Variants in ZFAND3 observed in about 807,000 individuals in gnomAD.
ZFAND3 encodes the protein AN1-type zinc finger protein 3.
A neutral mutation model predicts 29.6 loss-of-function variants in ZFAND3; 10 were observed. The ratio of observed to expected loss-of-function variants is 0.34; its 90% CI spans 0.21 to 0.57. The LOEUF (loss-of-function observed/expected upper bound fraction) is 0.57, where lower values mean the gene tolerates loss of function less well. Among genes scored for constraint, ZFAND3 ranks in the 20% least tolerant of loss-of-function variants. ZFAND3 has a pLI of 0.86. For synonymous variants in ZFAND3, 128 were observed against 112.6 expected (o/e 1.14, Z -0.87); for missense variants, 230 against 304.5 (o/e 0.76, Z 1.82).
chr6:37,999,031 C>T (rs1390708497), intron 2 of ZFAND3, among the ~76,000 whole-genome samples: 1 of 152,092 alleles, frequency 6.6e-6, no homozygotes, highest in Non-Finnish European at 1.5e-5. Flanking sequence ...GCAACCAGGG[C>T]TCTTGGAGAA....
intron 4 of ZFAND3, among the ~76,000 whole-genome samples, chr6:38,104,052 A>C (rs1765160870): frequency 6.6e-6 from 1 of 152,188 alleles, no homozygotes; most frequent in Non-Finnish European, 1.5e-5. Flanking sequence ...TGATATGGAG[A>C]AGCTAAAACA....
At chr6:37,965,285 ATTTTTT>A (rs529308449) in intron 2 of ZFAND3, among the ~76,000 whole-genome samples, 1 of 152,082 alleles carries the variant, frequency 6.6e-6, no homozygotes. Context: ...TTACTGGTCT[ATTTTTT>A]TAGACCAGTA....
At position 38,068,798 on chromosome 6, in the gene ZFAND3, G is replaced by C. The variant is rs12661073; in HGVS notation, c.295+7023G>C. On this transcript the variant is annotated intron_variant, in intron 3 of 5. Coordinates refer to ENST00000287218, the MANE Select transcript of ZFAND3 (RefSeq NM_021943.3). ...TTAATGACTAAAGCTTCGTTTCCAG[G>C]TGCTGACTGGATTTTCCTTTAATAT... Among the ~76,000 whole-genome samples, 2,595 of 152,234 alleles carry C rather than the reference G, an allele frequency of 0.017. 255 individuals are homozygous for C. The East Asian group carries it at 0.28, about 16-fold the overall frequency.
At chr6:37,893,657 G>A (rs1448815521) in intron 1 of ZFAND3, among the ~76,000 whole-genome samples, 1 of 152,016 alleles carries the variant, frequency 6.6e-6, no homozygotes, top group African/African-American at 2.4e-5. Flanking sequence ...AGGTGCTAGC[G>A]ATTCTCCTGC....
intron 2 of ZFAND3, among the ~76,000 whole-genome samples, chr6:37,942,037 C>T (rs747270940): frequency 6.6e-6 from 1 of 152,108 alleles, no homozygotes; most frequent in East Asian, 1.9e-4. Context: ...TTGTACATTT[C>T]GATGCCGTTT....
intron 3 of ZFAND3, among the ~76,000 whole-genome samples, chr6:38,073,989 C>CA (rs1430079431): frequency 6.6e-6 from 1 of 152,132 alleles, no homozygotes; most frequent in Non-Finnish European, 1.5e-5. Context: ...CTGTTATTTA[C>CA]ACTTAGTACA....
intron 2 of ZFAND3, among the ~76,000 whole-genome samples, chr6:38,011,092 C>G (rs907079546): frequency 1.1e-4 from 16 of 151,996 alleles, no homozygotes; most frequent in South Asian, 2.1e-4. Flanking sequence ...ACAGTTGTGT[C>G]TGGCTTGTTT....
intron 2 of ZFAND3, among the ~76,000 whole-genome samples, chr6:37,931,542 C>T (rs1041365507): frequency 9.8e-5 from 8 of 81,956 alleles, no homozygotes. Flanking sequence ...GACTCCGTCT[C>T]AAAAAAAAAA....
At chr6:38,121,663 T>G (rs768287795) in intron 5 of ZFAND3, among the ~76,000 whole-genome samples, 5 of 152,204 alleles carry the variant, frequency 3.3e-5, no homozygotes, top group Non-Finnish European at 5.9e-5. Flanking sequence ...TTCTTCATAA[T>G]TAGATTCAGG....
intron 2 of ZFAND3, among the ~76,000 whole-genome samples, chr6:38,034,578 G>T (rs1256981426): frequency 2.6e-5 from 4 of 152,112 alleles, no homozygotes; most frequent in Non-Finnish European, 5.9e-5. Context: ...CTTGACCAAT[G>T]TAACTAAAAA....
chr6:37,838,175 C>T (rs896544305), intron 1 of ZFAND3, among the ~76,000 whole-genome samples: 2 of 152,134 alleles, frequency 1.3e-5, no homozygotes. Context: ...TGATATTTGG[C>T]TTATCTGAAG....
At chr6:38,133,472 G>A (rs904803775) in intron 5 of ZFAND3, among the ~76,000 whole-genome samples, 5 of 152,160 alleles carry the variant, frequency 3.3e-5, no homozygotes, top group East Asian at 1.9e-4. Context: ...GGACAAGGCC[G>A]GGCGCGGTGG....
At chr6:38,111,898 A>G (rs927032030) in intron 4 of ZFAND3, among the ~76,000 whole-genome samples, 5 of 152,128 alleles carry the variant, frequency 3.3e-5, no homozygotes, top group Admixed American at 1.3e-4. Flanking sequence ...ATATGCAAAT[A>G]CTTTGCCATT....
At chr6:38,101,656 C>T (rs1445777705) in intron 4 of ZFAND3, among the ~76,000 whole-genome samples, 1 of 151,482 alleles carries the variant, frequency 6.6e-6, no homozygotes, top group Non-Finnish European at 1.5e-5. Context: ...CACCTGTAAT[C>T]CCAGCCACTT....
Position 38,153,224 on chromosome 6 carries a change from G to C in ZFAND3, c.*835G>C. On this transcript the variant is annotated 3_prime_UTR_variant, in exon 6 of 6. Transcript: ENST00000287218. ...GAATGGCAGCACAGCGCGGTGGCTG[G>C]GTCTGCACACTGGCCTCTGCAGCCA... The C allele has an allele frequency of 1.0e-6, 1 of 985,478 alleles. No homozygotes were observed. The highest frequency in any genetic ancestry group is 1.2e-6 in the Non-Finnish European group (1 of 829,960). The allele number at this position is 985,478 out of a possible 1,614,324, so 61.0% of individuals were successfully genotyped here.
intron 1 of ZFAND3, among the ~76,000 whole-genome samples, chr6:37,846,947 G>C (rs930369481): frequency 1.3e-5 from 2 of 151,924 alleles, no homozygotes; most frequent in Non-Finnish European, 2.9e-5. Flanking sequence ...TCCTGACCTC[G>C]TGATCTGCCT....
chr6:38,074,040 C>T (rs1006367608), intron 3 of ZFAND3, among the ~76,000 whole-genome samples: 3 of 152,132 alleles, frequency 2.0e-5, no homozygotes, highest in Non-Finnish European at 2.9e-5. Flanking sequence ...TCAGTTGGCA[C>T]GTAAGGAGTA....
At chr6:37,925,693 C>G (rs259688) in intron 1 of ZFAND3, among the ~76,000 whole-genome samples, 93,794 of 147,578 alleles carry the variant, frequency 0.64, 30,498 homozygotes, top group African/African-American at 0.76. Context: ...AACAGAGCTA[C>G]ACTCCATCTC....
At chr6:38,044,612 C>T (rs1338252807) in intron 2 of ZFAND3, among the ~76,000 whole-genome samples, 1 of 152,178 alleles carries the variant, frequency 6.6e-6, no homozygotes, top group African/African-American at 2.4e-5. Context: ...TGGAATCTAA[C>T]TATCGAATTG....
Sources: gnomAD v4.1 joint callset for allele counts (sites outside exome capture counted in the v4.1 genomes callset) on GRCh38, gnomAD v4.1.1 for gene constraint, MANE v1.5 for transcripts, NCBI Gene and HGNC (gene_info 2026-07-23, HGNC 2026-07-21) for gene names.